The following IQCJ variants were observed in gnomAD, a reference collection of about 807,000 sequenced individuals.
The protein encoded by IQCJ is IQ motif containing J.
A neutral mutation model predicts 11.0 loss-of-function variants in IQCJ; 9 were observed. That is an observed-to-expected ratio of 0.82 (90% CI 0.49 to 1.43). The LOEUF is 1.43. Among genes scored for constraint, IQCJ ranks in the 40% most tolerant of loss-of-function variants. The probability of loss-of-function intolerance (pLI) is 0.00; values close to 1 mark genes in which losing one functional copy is unlikely to be tolerated. For synonymous variants in IQCJ, 55 were observed against 51.3 expected (o/e 1.07, Z -0.31); for missense variants, 146 against 133.2 (o/e 1.10, Z -0.47).
intron 1 of IQCJ, among the ~76,000 whole-genome samples, chr3:159,105,541 A>C (rs975489880): frequency 6.6e-6 from 1 of 152,134 alleles, no homozygotes; most frequent in East Asian, 1.9e-4. Context: ...GTAAAGGTAG[A>C]GTTGTGGATG....
At chr3:159,208,216 T>C (rs1042525990) in intron 1 of IQCJ, among the ~76,000 whole-genome samples, 3 of 152,156 alleles carry the variant, frequency 2.0e-5, no homozygotes, top group Non-Finnish European at 4.4e-5. Context: ...GGAAAATCCA[T>C]CCTCAGAATA....
intron 1 of IQCJ, among the ~76,000 whole-genome samples, chr3:159,077,065 C>T (rs1715972692): frequency 6.6e-6 from 1 of 152,116 alleles, no homozygotes; most frequent in Non-Finnish European, 1.5e-5. Flanking sequence ...AGCTCAAGGC[C>T]TGGAGATTCA....
At chr3:159,085,071 C>G (rs1397285844) in intron 1 of IQCJ, among the ~76,000 whole-genome samples, 1 of 151,904 alleles carries the variant, frequency 6.6e-6, no homozygotes, top group Non-Finnish European at 1.5e-5. Context: ...TCCCCTCTCC[C>G]CCCACCCCAC....
intron 1 of IQCJ, among the ~76,000 whole-genome samples, chr3:159,244,193 A>G (rs1271463573): frequency 6.6e-6 from 1 of 152,198 alleles, no homozygotes; most frequent in Non-Finnish European, 1.5e-5. Flanking sequence ...AGAAGAGTGA[A>G]GTTTAGAGAA....
chr3:159,136,635 G>A (rs866347519), intron 1 of IQCJ, among the ~76,000 whole-genome samples: 9 of 152,168 alleles, frequency 5.9e-5, no homozygotes, highest in Non-Finnish European at 1.2e-4. Flanking sequence ...TTCCCTGACA[G>A]CGGGGTTCTC....
rs1216882112 is a variant in IQCJ, at chr3:159,163,396, A to G, written c.10-82447A>G. 3.3e-5 allele frequency among the ~76,000 whole-genome samples: 5 copies of G among 152,336 alleles called. 1 individual carries two copies. The highest frequency in any genetic ancestry group is 9.6e-5 in the African/African-American group (4 of 41,586). On this transcript the variant is annotated intron_variant, in intron 1 of 3. Transcript: ENST00000397832. ...CAACCCTTCATGCTAAAAACTCTCA[A>G]TAAATTAGGTATTGATGGGACGTAT...
chr3:159,190,934 C>G (rs1342232385), intron 1 of IQCJ, among the ~76,000 whole-genome samples: 1 of 152,156 alleles, frequency 6.6e-6, no homozygotes, highest in Non-Finnish European at 1.5e-5. Context: ...CCAAATAAAC[C>G]TCCACATTGC....
chr3:159,218,783 T>G (rs771178407), intron 1 of IQCJ, among the ~76,000 whole-genome samples: 1 of 152,174 alleles, frequency 6.6e-6, no homozygotes, highest in South Asian at 2.1e-4. Context: ...ACTTAGTGGC[T>G]TAAACCAACA....
chr3:159,189,785 G>A (rs1371380446), intron 1 of IQCJ, among the ~76,000 whole-genome samples: 2 of 152,154 alleles, frequency 1.3e-5, no homozygotes, highest in Non-Finnish European at 2.9e-5. Flanking sequence ...GATCTTCTGT[G>A]GATCCAATCT....
intron 1 of IQCJ, among the ~76,000 whole-genome samples, chr3:159,239,786 T>A (rs1434412752): frequency 6.6e-6 from 1 of 152,216 alleles, no homozygotes; most frequent in African/African-American, 2.4e-5. Context: ...TTTTCTAGAT[T>A]TGGATATGTT....
intron 1 of IQCJ, among the ~76,000 whole-genome samples, chr3:159,155,806 T>G (rs887674289): frequency 1.3e-5 from 2 of 152,202 alleles, no homozygotes; most frequent in African/African-American, 4.8e-5. Flanking sequence ...AAAGGTAATA[T>G]TTTTTGGAAA....
intron 1 of IQCJ, among the ~76,000 whole-genome samples, chr3:159,169,000 A>G (rs1577056943): frequency 8.1e-6 from 1 of 123,634 alleles, no homozygotes; most frequent in South Asian, 2.9e-4. Flanking sequence ...TGATGATGAT[A>G]AATACCTGCT....
At chr3:159,251,176 C>T (rs1334862336) in intron 2 of IQCJ, among the ~76,000 whole-genome samples, 2 of 152,154 alleles carry the variant, frequency 1.3e-5, no homozygotes, top group African/African-American at 2.4e-5. Context: ...TATGTGCTCT[C>T]CTATGTTTTC....
At chr3:159,136,709 A>G (rs940446097) in intron 1 of IQCJ, among the ~76,000 whole-genome samples, 12 of 152,166 alleles carry the variant, frequency 7.9e-5, no homozygotes, top group African/African-American at 2.9e-4. Flanking sequence ...ATTATTGAAC[A>G]AGGGCTTTGC....
chr3:159,159,951 A>G (rs577478134), intron 1 of IQCJ, among the ~76,000 whole-genome samples: 1 of 152,120 alleles, frequency 6.6e-6, no homozygotes, highest in Non-Finnish European at 1.5e-5. Flanking sequence ...CCTATGCTTC[A>G]TATACAGCCT....
chr3:159,168,688 G>A (rs1722310606), intron 1 of IQCJ, among the ~76,000 whole-genome samples: 1 of 152,018 alleles, frequency 6.6e-6, no homozygotes, highest in African/African-American at 2.4e-5. Context: ...TAATGAAACA[G>A]CTTATTTCTA....
chr3:159,164,012 C>A (rs777556614), intron 1 of IQCJ, among the ~76,000 whole-genome samples: 2 of 152,088 alleles, frequency 1.3e-5, no homozygotes, highest in Non-Finnish European at 2.9e-5. Context: ...AATCTTTAAT[C>A]TTTAGGTTAA....
downstream of IQCJ, chr3:159,265,139 A>G: frequency 1.6e-6 from 2 of 1,232,870 alleles, no homozygotes; most frequent in African/African-American, 1.5e-5. Context: ...TCCAAGTCAC[A>G]GTTTAAAAGA....
chr3:159,212,183 T>TC (rs1724993895), intron 1 of IQCJ, among the ~76,000 whole-genome samples: 1 of 152,000 alleles, frequency 6.6e-6, no homozygotes, highest in African/African-American at 2.4e-5. Context: ...GGAACAATTA[T>TC]CCCCCTGCAT....
Sources: allele counts gnomAD v4.1 joint callset (sites outside exome capture counted in the v4.1 genomes callset), GRCh38; gene constraint gnomAD v4.1.1; transcripts MANE v1.5; gene names NCBI Gene and HGNC (gene_info 2026-07-23, HGNC 2026-07-21).